KCNT2: variants seen among roughly 807,000 people sequenced by gnomAD.
KCNT2 encodes potassium sodium-activated channel subfamily T member 2.
Under a neutral mutation model 153.8 loss-of-function variants are expected in KCNT2, and 67 were observed. The observed-to-expected ratio is 0.44, with a 90% CI of 0.36 to 0.53. The LOEUF (loss-of-function observed/expected upper bound fraction) is 0.53, where lower values mean the gene tolerates loss of function less well. Ranked by LOEUF, KCNT2 falls within the 20% of genes least tolerant of loss-of-function variation. KCNT2 has a pLI of 0.00. For missense variants in KCNT2, 975 were observed against 1,354.8 expected (o/e 0.72, Z 4.40); for synonymous variants, 500 against 458.8 (o/e 1.09, Z -1.15).
intron 25 of KCNT2, among the ~76,000 whole-genome samples, chr1:196,269,357 ATGTG>A (rs142861067): frequency 1.3e-4 from 20 of 150,426 alleles, no homozygotes; most frequent in East Asian, 3.9e-4. Context: ...GTGTGTGTAT[ATGTG>A]TGTGTGTGTG....
At chr1:196,299,380 A>C (rs1278782933) in intron 22 of KCNT2, among the ~76,000 whole-genome samples, 1 of 152,170 alleles carries the variant, frequency 6.6e-6, no homozygotes, top group Non-Finnish European at 1.5e-5. Flanking sequence ...AGCAAAAAAA[A>C]GTGGGCAAAC....
intron 1 of KCNT2, among the ~76,000 whole-genome samples, chr1:196,517,839 CAT>C (rs1652805749): frequency 6.6e-6 from 1 of 152,160 alleles, no homozygotes; most frequent in Non-Finnish European, 1.5e-5. Context: ...ACTTGGAAAA[CAT>C]ATTTCAGGAT....
At position 196,266,250 on chromosome 1, in the gene KCNT2, A is replaced by G. The variant is rs574744694; in HGVS notation, c.2911-7756T>C. On this transcript the variant is annotated intron_variant, in intron 25 of 27. Coordinates refer to ENST00000294725, the MANE Select transcript of KCNT2 (RefSeq NM_198503.5). The stretch of plus-strand genomic sequence containing the variant: ...CCATTGGCAAAAGTTAAGAAACTTA[A>G]TCAAAGTTGAGGATTGAACTATAGT... 7.9e-5 allele frequency among the ~76,000 whole-genome samples: 12 copies of G among 152,310 alleles called. No individual in the cohort carries two copies. In the South Asian group the frequency reaches 2.3e-3, roughly 29 times the overall value.
At chr1:196,229,596 G>A (rs1312751902) in intron 27 of KCNT2, among the ~76,000 whole-genome samples, 7 of 152,048 alleles carry the variant, frequency 4.6e-5, no homozygotes, top group Non-Finnish European at 8.8e-5. Context: ...TGCTTAGTGA[G>A]GAAGGAACAT....
At position 196,315,963 on chromosome 1, in the gene KCNT2, C is replaced by T. The variant is rs772077278; in HGVS notation, c.2412G>A (p.Glu804=). ...FAANMVVVDK[E]STMSAEEDYM... is the part of the protein sequence containing the mutation. ...AGTCTTCCTCGGCACTCATGGTGCTCTCTTTATCCACAACCACCATATTAG... is the reference window on the plus strand; with the variant it reads ...AGTCTTCCTCGGCACTCATGGTGCTTTCTTTATCCACAACCACCATATTAG... The change falls in exon 21 of 28, where the codon GAG becomes GAA. Residue 804 remains glutamate, a synonymous_variant. Coordinates refer to ENST00000294725, the MANE Select transcript of KCNT2 (RefSeq NM_198503.5). 5.6e-6 allele frequency: 9 copies of T among 1,610,302 alleles called. No individual in the cohort carries two copies. The highest frequency in any genetic ancestry group is 7.6e-6 in the Non-Finnish European group (9 of 1,177,580).
At chr1:196,390,523 C>G (rs1572273753) in intron 13 of KCNT2, among the ~76,000 whole-genome samples, 1 of 151,418 alleles carries the variant, frequency 6.6e-6, no homozygotes, top group African/African-American at 2.4e-5. Flanking sequence ...TATGATAGCA[C>G]TCTCCATATC....
intron 7 of KCNT2, among the ~76,000 whole-genome samples, chr1:196,466,794 G>A (rs1218605339): frequency 3.9e-5 from 6 of 151,966 alleles, no homozygotes; most frequent in African/African-American, 1.4e-4. Flanking sequence ...TTTGTGGTAT[G>A]AATGACTCAA....
chr1:196,409,037 T>G lies in KCNT2; in HGVS notation c.1186-10366A>C, dbSNP rs185685734. 4.7e-3 allele frequency among the ~76,000 whole-genome samples: 710 copies of G among 150,380 alleles called. 4 individuals carry two copies. Among genetic ancestry groups the G allele is most frequent in the Non-Finnish European group, 7.7e-3 (521 of 67,266 alleles). On this transcript the variant is annotated intron_variant, in intron 12 of 27. Coordinates refer to ENST00000294725, the MANE Select transcript of KCNT2 (RefSeq NM_198503.5). ...TTTTATACTTCATGTATATTGAGGG[T>G]TTTTTTTTATATGAAGCACACACAC...
rs552174843 is a variant in KCNT2, at chr1:196,474,837, C to T, written c.384+4342G>A. ...GTTTGTTTTGCCAACTAGCTATAAA[C>T]ATGAATGGAATGATGATTTAAGCAC... On this transcript the variant is annotated intron_variant, in intron 5 of 27. Coordinates refer to ENST00000294725, the MANE Select transcript of KCNT2 (RefSeq NM_198503.5). Among the ~76,000 whole-genome samples, 5 of 152,264 alleles carry T rather than the reference C, an allele frequency of 3.3e-5. No homozygotes were observed. The South Asian group carries it at 1.0e-3, about 32-fold the overall frequency.
At chr1:196,282,232 T>C (rs1450646110) in intron 24 of KCNT2, 41 bp downstream of exon 24, 2 of 1,096,348 alleles carry the variant, frequency 1.8e-6, no homozygotes, top group Non-Finnish European at 2.8e-6. Context: ...TTCAGAACCT[T>C]CTATCACAAC....
intron 1 of KCNT2, among the ~76,000 whole-genome samples, chr1:196,497,038 T>G (rs1680314130): frequency 6.6e-6 from 1 of 152,254 alleles, no homozygotes; most frequent in Admixed American, 6.5e-5. Flanking sequence ...TATGCCTTAC[T>G]ACATTGACTA....
intron 11 of KCNT2, among the ~76,000 whole-genome samples, chr1:196,423,576 C>T (rs1202601405): frequency 1.3e-5 from 2 of 151,622 alleles, no homozygotes; most frequent in Non-Finnish European, 3.0e-5. Flanking sequence ...TTCCAAGCCC[C>T]TTCCCCTCAT....
At chr1:196,456,394 G>A (rs1676677697) in intron 8 of KCNT2, among the ~76,000 whole-genome samples, 1 of 151,796 alleles carries the variant, frequency 6.6e-6, no homozygotes, top group South Asian at 2.1e-4. Flanking sequence ...GTTATGTATA[G>A]TATAAAAATT....
At position 196,425,994 on chromosome 1, in the gene KCNT2, C is replaced by A; in HGVS notation, c.985-6G>T. 7 of 1,609,934 alleles carry A rather than the reference C, an allele frequency of 4.3e-6. No homozygotes were observed. The highest frequency in any genetic ancestry group is 5.9e-6 in the Non-Finnish European group (7 of 1,177,628). ...AAAATCACCACATAATAATCCTATT[C>A]AAAACAAAATGGGCAATGGAATAGA... On this transcript the variant is annotated splice_polypyrimidine_tract_variant and splice_region_variant and intron_variant, in intron 10 of 27. Transcript: ENST00000294725.
intron 25 of KCNT2, among the ~76,000 whole-genome samples, chr1:196,271,672 T>A (rs1658076233): frequency 6.6e-6 from 1 of 151,788 alleles, no homozygotes; most frequent in Non-Finnish European, 1.5e-5. Context: ...AAGAGTACAG[T>A]TTTTGTTAGA....
At chr1:196,564,172 G>T (rs1659788016) in intron 1 of KCNT2, among the ~76,000 whole-genome samples, 1 of 151,764 alleles carries the variant, frequency 6.6e-6, no homozygotes, top group Admixed American at 6.6e-5. Flanking sequence ...CAGTGGAGTT[G>T]CAGGATACAA....
intron 21 of KCNT2, among the ~76,000 whole-genome samples, chr1:196,315,418 T>C (rs901979472): frequency 6.6e-6 from 1 of 151,646 alleles, no homozygotes; most frequent in Non-Finnish European, 1.5e-5. Context: ...ATTCAATGGG[T>C]ACATTTAATT....
chr1:196,371,618 T>C (rs1342048020), intron 14 of KCNT2, among the ~76,000 whole-genome samples: 1 of 152,136 alleles, frequency 6.6e-6, no homozygotes, highest in African/African-American at 2.4e-5. Flanking sequence ...AATCCTTAAT[T>C]ATATAACAAT....
At chr1:196,547,887 C>T (rs777005946) in intron 1 of KCNT2, among the ~76,000 whole-genome samples, 163 of 151,834 alleles carry the variant, frequency 1.1e-3, no homozygotes, top group Non-Finnish European at 1.8e-3. Context: ...AGTATGGTAA[C>T]ATCCAGAAAA....
Sources: gnomAD v4.1 joint callset for allele counts (sites outside exome capture counted in the v4.1 genomes callset) on GRCh38, gnomAD v4.1.1 for gene constraint, MANE v1.5 for transcripts, NCBI Gene and HGNC (gene_info 2026-07-23, HGNC 2026-07-21) for gene names.